MPPED2: variants seen among roughly 807,000 people sequenced by gnomAD.
MPPED2 encodes metallophosphoesterase domain containing 2.
In MPPED2, 5 loss-of-function variants were observed where a neutral mutation model predicts 33.0. That is an observed-to-expected ratio of 0.15 (90% CI 0.08 to 0.32). The LOEUF is 0.32. MPPED2 is among the 10% of genes least tolerant of loss of function. The pLI, the probability that MPPED2 is intolerant of heterozygous loss-of-function variation, is 1.00. For synonymous variants in MPPED2, 136 were observed against 141.9 expected (o/e 0.96, Z 0.29); for missense variants, 275 against 372.1 (o/e 0.74, Z 2.15).
intron 6 of MPPED2, among the ~76,000 whole-genome samples, chr11:30,402,391 CAA>C (rs1274287697): frequency 6.6e-6 from 1 of 152,160 alleles, no homozygotes; most frequent in Non-Finnish European, 1.5e-5. Flanking sequence ...AACATCCTCA[CAA>C]AAGTCTCTTA....
chr11:30,443,264 C>A (rs574316123), intron 4 of MPPED2, among the ~76,000 whole-genome samples: 1 of 152,296 alleles, frequency 6.6e-6, no homozygotes, highest in South Asian at 2.1e-4. Context: ...TTACTGCTTG[C>A]TCCACGTCAG....
intron 2 of MPPED2, 90 bp downstream of exon 2, chr11:30,580,156 C>T (rs1957099442): frequency 1.5e-6 from 2 of 1,318,008 alleles, no homozygotes; most frequent in African/African-American, 2.9e-5. Flanking sequence ...CTTTTAGTCT[C>T]CCTAGCAGAA....
chr11:30,552,537 A>G (rs577938751), intron 2 of MPPED2, among the ~76,000 whole-genome samples: 7 of 152,282 alleles, frequency 4.6e-5, no homozygotes, highest in African/African-American at 1.7e-4. Context: ...TATAATTGGA[A>G]TCATTCTGCA....
intron 4 of MPPED2, among the ~76,000 whole-genome samples, chr11:30,440,821 A>G (rs1949538428): frequency 6.6e-6 from 1 of 152,224 alleles, no homozygotes; most frequent in Non-Finnish European, 1.5e-5. Context: ...ATCAGCTCAG[A>G]GTTACCACAA....
At chr11:30,583,013 C>T (rs1037283249) in intron 1 of MPPED2, among the ~76,000 whole-genome samples, 1 of 152,110 alleles carries the variant, frequency 6.6e-6, no homozygotes, top group Non-Finnish European at 1.5e-5. Flanking sequence ...ACTTTCACAG[C>T]ACCTTTACAG....
Position 30,556,288 on chromosome 11 carries a change from T to C in MPPED2, c.129-20113A>G, listed in dbSNP as rs1955958954. 2.0e-5 allele frequency among the ~76,000 whole-genome samples: 3 copies of C among 152,324 alleles called. No homozygotes were observed. The South Asian group carries it at 6.2e-4, about 32-fold the overall frequency. On this transcript the variant is annotated intron_variant, in intron 2 of 6. Coordinates refer to ENST00000358117, the MANE Select transcript of MPPED2 (RefSeq NM_001584.3). The stretch of plus-strand genomic sequence containing the variant: ...AATGGAGGCCTACACCATTTGACTC[T>C]TAACCCAATATGCTCTTCTCCATGC...
At chr11:30,409,133 C>T (rs1023171980), downstream of MPPED2, among the ~76,000 whole-genome samples, 7 of 152,204 alleles carry the variant, frequency 4.6e-5, no homozygotes, top group African/African-American at 1.7e-4. Flanking sequence ...GCTGGGCATA[C>T]ATACTTGTGA....
chr11:30,420,521 C>T (rs1018981061), intron 4 of MPPED2, among the ~76,000 whole-genome samples: 3 of 152,206 alleles, frequency 2.0e-5, no homozygotes, highest in African/African-American at 7.2e-5. Context: ...AAAATTGGTA[C>T]AGTACCTACA....
intron 2 of MPPED2, among the ~76,000 whole-genome samples, chr11:30,552,100 CT>C (rs1426373459): frequency 6.6e-6 from 1 of 152,210 alleles, no homozygotes; most frequent in Non-Finnish European, 1.5e-5. Context: ...TCATTTTACA[CT>C]TCATAAGTCA....
At chr11:30,478,743 A>G (rs139298804) in intron 4 of MPPED2, among the ~76,000 whole-genome samples, 3 of 152,288 alleles carry the variant, frequency 2.0e-5, no homozygotes, top group African/African-American at 7.2e-5. Context: ...AGATTCATTT[A>G]TAGGTAAAAT....
At chr11:30,422,530 T>C (rs940179865) in intron 4 of MPPED2, among the ~76,000 whole-genome samples, 1 of 152,020 alleles carries the variant, frequency 6.6e-6, no homozygotes, top group African/African-American at 2.4e-5. Context: ...CCAGTTGAGT[T>C]TCAACCTGAA....
chr11:30,565,167 A>T (rs1956393967), intron 2 of MPPED2, among the ~76,000 whole-genome samples: 1 of 152,178 alleles, frequency 6.6e-6, no homozygotes, highest in African/African-American at 2.4e-5. Context: ...AACTGCTAAC[A>T]GCAGGCGCGC....
rs1343628593 is a variant in MPPED2, at chr11:30,417,588, C to T, written c.582G>A (p.Gln194=). Residue 194 remains glutamine, a synonymous_variant, in exon 5 of 7, where the codon CAG becomes CAA. Coordinates refer to ENST00000358117, the MANE Select transcript of MPPED2 (RefSeq NM_001584.3). ...TGAGGTTCCACTTGTCCAGCAGAGACTGACCTCTGGGTAGGTTAAAGCCCC... is the reference window on the plus strand; with the variant it reads ...TGAGGTTCCACTTGTCCAGCAGAGATTGACCTCTGGGTAGGTTAAAGCCCC... ...NGWGFNLPRG[Q]SLLDKWNLIP... The T allele has an allele frequency of 1.2e-6, 2 of 1,613,336 alleles. No homozygotes were observed. Among genetic ancestry groups the T allele is most frequent in the Admixed American group, 1.7e-5 (1 of 59,954 alleles).
chr11:30,524,962 C>T (rs1024166239), intron 3 of MPPED2, among the ~76,000 whole-genome samples: 3 of 152,136 alleles, frequency 2.0e-5, no homozygotes, highest in African/African-American at 7.2e-5. Context: ...TCCATTCTAA[C>T]AATAAAACCT....
chr11:30,401,610 C>T (rs1031647235), intron 6 of MPPED2, among the ~76,000 whole-genome samples: 1 of 152,184 alleles, frequency 6.6e-6, no homozygotes, highest in African/African-American at 2.4e-5. Context: ...GGAACTATAT[C>T]CATAGATTCA....
At chr11:30,468,116 T>C (rs986700018) in intron 4 of MPPED2, among the ~76,000 whole-genome samples, 13 of 152,194 alleles carry the variant, frequency 8.5e-5, no homozygotes, top group African/African-American at 2.9e-4. Flanking sequence ...GTGTACCACC[T>C]GTACTAATAT....
intron 2 of MPPED2, among the ~76,000 whole-genome samples, chr11:30,546,322 G>C (rs1335369737): frequency 1.3e-5 from 2 of 152,102 alleles, no homozygotes; most frequent in Non-Finnish European, 2.9e-5. Context: ...AGAACATTAA[G>C]AGCCATCAAA....
At chr11:30,552,584 TTTTTG>T (rs1004098970) in intron 2 of MPPED2, among the ~76,000 whole-genome samples, 4 of 152,160 alleles carry the variant, frequency 2.6e-5, no homozygotes, top group African/African-American at 4.8e-5. Flanking sequence ...TTTCTTTCTG[TTTTTG>T]TTTTGTTTTG....
At chr11:30,423,827 T>C (rs1948720415) in intron 4 of MPPED2, among the ~76,000 whole-genome samples, 2 of 152,254 alleles carry the variant, frequency 1.3e-5, no homozygotes, top group South Asian at 2.1e-4. Context: ...CAGAGAGAAT[T>C]GCTCACATTA....
Sources: gnomAD v4.1 joint callset for allele counts (sites outside exome capture counted in the v4.1 genomes callset) on GRCh38, gnomAD v4.1.1 for gene constraint, MANE v1.5 for transcripts, NCBI Gene and HGNC (gene_info 2026-07-23, HGNC 2026-07-21) for gene names.